Variants in SMOC2 observed in about 807,000 individuals in gnomAD.
The protein encoded by SMOC2 is SPARC related modular calcium binding 2, also known as SPARC-related modular calcium-binding protein 2.
In SMOC2, 39 loss-of-function variants were observed where a neutral mutation model predicts 61.4. That is an observed-to-expected ratio of 0.64 (90% CI 0.49 to 0.83). The LOEUF (loss-of-function observed/expected upper bound fraction) is 0.83, where lower values mean the gene tolerates loss of function less well. SMOC2 is among the 40% of genes least tolerant of loss of function. SMOC2 has a pLI of 0.00. For missense variants in SMOC2, 556 were observed against 592.9 expected (o/e 0.94, Z 0.65); for synonymous variants, 247 against 239.9 (o/e 1.03, Z -0.27).
intron 1 of SMOC2, among the ~76,000 whole-genome samples, chr6:168,444,353 TG>T (rs1562532961): frequency 6.6e-6 from 1 of 152,226 alleles, no homozygotes; most frequent in Admixed American, 6.5e-5. Context: ...TCACCTATGG[TG>T]AGTGTGCTTT....
intron 9 of SMOC2, among the ~76,000 whole-genome samples, chr6:168,646,237 C>T (rs954694515): frequency 7.2e-5 from 11 of 152,124 alleles, no homozygotes; most frequent in African/African-American, 2.7e-4. Context: ...CTCGTGTTCC[C>T]GATCCAGACC....
rs992085742 is a variant in SMOC2, at chr6:168,624,350, A to G, written c.907+16111A>G. The stretch of plus-strand genomic sequence containing the variant: ...ATCTGAGCTGCATGTGAACACGCAC[A>G]TATGTAGACGAAGCTCGCTAGAGAA... On this transcript the variant is annotated intron_variant, in intron 9 of 12. Transcript: ENST00000356284. Among the ~76,000 whole-genome samples, 7 of 152,346 alleles carry G rather than the reference A, an allele frequency of 4.6e-5. No individual in the cohort carries two copies. In the East Asian group the frequency reaches 1.2e-3, roughly 25 times the overall value.
intron 9 of SMOC2, among the ~76,000 whole-genome samples, chr6:168,649,346 GC>G (rs1787133286): frequency 6.6e-6 from 1 of 152,134 alleles, no homozygotes; most frequent in African/African-American, 2.4e-5. Flanking sequence ...ATGTTCTAAT[GC>G]CCGAGGTGCT....
At chr6:168,522,591 C>G (rs1381767005) in intron 2 of SMOC2, among the ~76,000 whole-genome samples, 1 of 152,214 alleles carries the variant, frequency 6.6e-6, no homozygotes, top group Non-Finnish European at 1.5e-5. Flanking sequence ...AAGCCAGACA[C>G]AGAAGGATAC....
chr6:168,465,383 A>T (rs971737042), intron 1 of SMOC2, among the ~76,000 whole-genome samples: 3 of 151,970 alleles, frequency 2.0e-5, no homozygotes, highest in Non-Finnish European at 4.4e-5. Context: ...CGGGCTCTTC[A>T]TGAAGAGATT....
Position 168,554,554 on chromosome 6 carries a change from G to A in SMOC2, c.637+5351G>A, listed in dbSNP as rs535140333. On this transcript the variant is annotated intron_variant, in intron 7 of 12. Transcript: ENST00000356284. ...GAGAGGAGGGGCACGGAGGCCCCCC[G>A]TCTCAGGCCTGCACAGGCCGTTCTG... Among the ~76,000 whole-genome samples the A allele has an allele frequency of 8.5e-5, 13 of 152,306 alleles. No homozygotes were observed. In the East Asian group the frequency reaches 1.7e-3, roughly 20 times the overall value.
At position 168,600,938 on chromosome 6, in the gene SMOC2, C is replaced by G. The variant is rs956794031; in HGVS notation, c.824+1934C>G. ...CTGTGTGTTCATGGAAATTGTATAA[C>G]CGTGAGTAGAAATGGTTTTGCAGCT... On this transcript the variant is annotated intron_variant, in intron 8 of 12. Transcript: ENST00000356284. 2.6e-5 allele frequency among the ~76,000 whole-genome samples: 4 copies of G among 152,302 alleles called. No individual in the cohort carries two copies. In the East Asian group the frequency reaches 5.8e-4, roughly 22 times the overall value.
At chr6:168,640,163 C>T (rs1334177362) in intron 9 of SMOC2, among the ~76,000 whole-genome samples, 2 of 124,968 alleles carry the variant, frequency 1.6e-5, no homozygotes, top group African/African-American at 3.2e-5. Context: ...TGGATATCAG[C>T]ACACGGTCTT....
chr6:168,560,493 G>T (rs1378330777), intron 7 of SMOC2, among the ~76,000 whole-genome samples: 14 of 149,412 alleles, frequency 9.4e-5, no homozygotes, highest in Middle Eastern at 3.5e-3. Flanking sequence ...CCACCTTTCT[G>T]GCCCTGAGAT....
intron 5 of SMOC2, 23 bp from the exon 6 acceptor site, chr6:168,547,096 A>T (rs1385729355): frequency 1.2e-6 from 2 of 1,613,972 alleles, no homozygotes; most frequent in African/African-American, 1.3e-5. Context: ...TCTCCTTGCA[A>T]ATCTTTTCCG....
At chr6:168,626,870 C>G (rs1434380441) in intron 9 of SMOC2, among the ~76,000 whole-genome samples, 2 of 152,164 alleles carry the variant, frequency 1.3e-5, no homozygotes, top group African/African-American at 4.8e-5. Context: ...GTGATAGAGA[C>G]CCGGGGCCCT....
chr6:168,448,894 G>T (rs1053062439), intron 1 of SMOC2, among the ~76,000 whole-genome samples: 1 of 152,094 alleles, frequency 6.6e-6, no homozygotes, highest in African/African-American at 2.4e-5. Context: ...CCTCAATGGG[G>T]TCCCTGTGTT....
intron 4 of SMOC2, among the ~76,000 whole-genome samples, chr6:168,537,700 C>G (rs1285142826): frequency 1.3e-5 from 2 of 152,114 alleles, no homozygotes; most frequent in Admixed American, 6.5e-5. Flanking sequence ...GGCCGAGAGA[C>G]ATATGCCCTC....
intron 7 of SMOC2, among the ~76,000 whole-genome samples, chr6:168,565,442 GT>G (rs1342268482): frequency 6.6e-6 from 1 of 152,154 alleles, no homozygotes; most frequent in African/African-American, 2.4e-5. Context: ...TCTTCCCTCA[GT>G]TTGCTCCTTA....
chr6:168,610,411 G>GA (rs1785828524), intron 9 of SMOC2, among the ~76,000 whole-genome samples: 1 of 152,106 alleles, frequency 6.6e-6, no homozygotes, highest in South Asian at 2.1e-4. Flanking sequence ...TCCTTATTAG[G>GA]AAAAAACAAG....
intron 7 of SMOC2, among the ~76,000 whole-genome samples, chr6:168,551,899 C>A (rs989044589): frequency 6.6e-6 from 1 of 152,186 alleles, no homozygotes; most frequent in Non-Finnish European, 1.5e-5. Context: ...TTCAAATGAC[C>A]TGCCATTATA....
At chr6:168,657,371 C>T (rs4708373) in intron 11 of SMOC2, among the ~76,000 whole-genome samples, 24,088 of 152,284 alleles carry the variant, frequency 0.16, 2,001 homozygotes, top group African/African-American at 0.18. Context: ...AAATCGTCCA[C>T]TCTGCTGGGC....
rs539028100 is a variant in SMOC2 at position 168,442,628 on chromosome 6, A to G, written c.84+1174A>G. Reference sequence around the variant, plus strand: ...GACTTGTCCTAAAGGTGTTTATTGTATTGAAAATAAAGATGGTTGAAATAA... The same window carrying G: ...GACTTGTCCTAAAGGTGTTTATTGTGTTGAAAATAAAGATGGTTGAAATAA... On this transcript the variant is annotated intron_variant, in intron 1 of 12. Transcript: ENST00000356284. 5.9e-5 allele frequency among the ~76,000 whole-genome samples: 9 copies of G among 152,390 alleles called. No individual in the cohort carries two copies. The East Asian group carries it at 1.2e-3, about 20-fold the overall frequency.
chr6:168,481,369 G>A (rs891884744), intron 1 of SMOC2, among the ~76,000 whole-genome samples: 3 of 152,014 alleles, frequency 2.0e-5, no homozygotes, highest in Non-Finnish European at 4.4e-5. Context: ...AACAACAATC[G>A]AAAGGTAGGA....
Sources: gnomAD v4.1 joint callset for allele counts (sites outside exome capture counted in the v4.1 genomes callset) on GRCh38, gnomAD v4.1.1 for gene constraint, MANE v1.5 for transcripts, NCBI Gene and HGNC (gene_info 2026-07-23, HGNC 2026-07-21) for gene names.